PPP4R4: variants seen among roughly 807,000 people sequenced by gnomAD.
PPP4R4 encodes serine/threonine-protein phosphatase 4 regulatory subunit 4.
A neutral mutation model predicts 121.8 loss-of-function variants in PPP4R4; 70 were observed. The observed-to-expected ratio is 0.57, with a 90% CI of 0.47 to 0.70. PPP4R4 has a LOEUF of 0.70. PPP4R4 is among the 30% of genes least tolerant of loss of function. The pLI, the probability that PPP4R4 is intolerant of heterozygous loss-of-function variation, is 0.00. For synonymous variants in PPP4R4, 348 were observed against 355.7 expected, an observed-to-expected ratio of 0.98 and a Z score of 0.24; for missense variants, 875 against 1,033.6, an observed-to-expected ratio of 0.85 and a Z score of 2.10.
rs1268957009 is a variant in PPP4R4 at position 94,208,533 on chromosome 14, T to C, written c.261T>C (p.Thr87=). The change falls in exon 3 of 25, where the codon ACT becomes ACC. Residue 87 remains threonine, a synonymous_variant. Coordinates refer to ENST00000304338, the MANE Select transcript of PPP4R4 (RefSeq NM_058237.2). Reference sequence around the variant, plus strand: ...CATTTTTGATGCGACAGAATCCCACTGAGACGCTTCGGAGAGTGTTGCCAA... The same window carrying C: ...CATTTTTGATGCGACAGAATCCCACCGAGACGCTTCGGAGAGTGTTGCCAA... ...NLPFLMRQNP[T]ETLRRVLPKV... The C allele has an allele frequency of 6.2e-7, 1 of 1,611,446 alleles. No homozygotes were observed.
intron 2 of PPP4R4, among the ~76,000 whole-genome samples, chr14:94,189,822 C>G (rs1889496003): frequency 6.6e-6 from 1 of 152,284 alleles, no homozygotes; most frequent in South Asian, 2.1e-4. Context: ...CTCTTTTTCT[C>G]TCAGTACTCT....
intron 3 of PPP4R4, chr14:94,227,401 A>T (rs1027742871): frequency 3.7e-6 from 6 of 1,601,222 alleles, no homozygotes; most frequent in Non-Finnish European, 3.4e-6. Context: ...CTCTTATTGT[A>T]TTATGTTTCA....
At chr14:94,274,132 T>TG (rs1379855195) in intron 23 of PPP4R4, among the ~76,000 whole-genome samples, 2 of 152,108 alleles carry the variant, frequency 1.3e-5, no homozygotes, top group Non-Finnish European at 2.9e-5. Context: ...ATCTCAAGTC[T>TG]TATCACTATA....
chr14:94,230,875 A>T (rs1464136519), intron 4 of PPP4R4, 141 bp downstream of exon 4: 2 of 955,072 alleles, frequency 2.1e-6, no homozygotes, highest in Non-Finnish European at 3.0e-6. Flanking sequence ...GGAATGACTT[A>T]AAATAGCTAT....
intron 16 of PPP4R4, among the ~76,000 whole-genome samples, chr14:94,252,822 G>GGGT (rs2139603130): frequency 6.6e-6 from 1 of 152,292 alleles, no homozygotes; most frequent in Non-Finnish European, 1.5e-5. Flanking sequence ...TCTGAAAGAT[G>GGGT]CATATGTACC....
At chr14:94,209,212 C>T (rs1890614433) in intron 3 of PPP4R4, among the ~76,000 whole-genome samples, 1 of 151,854 alleles carries the variant, frequency 6.6e-6, no homozygotes, top group South Asian at 2.1e-4. Flanking sequence ...TTTATAAGAA[C>T]TTGAATGAAT....
intron 3 of PPP4R4, among the ~76,000 whole-genome samples, chr14:94,222,311 C>T (rs1891451617): frequency 6.6e-6 from 1 of 151,714 alleles, no homozygotes; most frequent in Admixed American, 6.6e-5. Context: ...AAGTTACAGA[C>T]TCTTTTACTT....
In PPP4R4 at chr14:94,227,317, G is replaced by A; in HGVS notation, c.295-3270G>A. ...GAGGATGCACACTTATTTATCCAGA[G>A]AGTATGGATCTCACATATGTTTGTC... On this transcript the variant is annotated intron_variant, in intron 3 of 24. Transcript: ENST00000304338. 3 of 1,612,604 alleles carry A rather than the reference G, an allele frequency of 1.9e-6. No homozygotes were observed. The highest frequency in any genetic ancestry group is 1.1e-5 in the South Asian group (1 of 91,004).
At chr14:94,248,946 G>T (rs1183310634) in intron 14 of PPP4R4, among the ~76,000 whole-genome samples, 11 of 152,028 alleles carry the variant, frequency 7.2e-5, no homozygotes, top group Non-Finnish European at 1.5e-5. Flanking sequence ...TTAGATAAAT[G>T]TTATTGCAGT....
At chr14:94,264,283 G>C (rs1004020152) in intron 19 of PPP4R4, among the ~76,000 whole-genome samples, 1 of 152,036 alleles carries the variant, frequency 6.6e-6, no homozygotes, top group African/African-American at 2.4e-5. Context: ...TGAGTAGCTG[G>C]GATTACAGGC....
At chr14:94,202,284 T>C (rs941158782) in intron 2 of PPP4R4, among the ~76,000 whole-genome samples, 1 of 152,134 alleles carries the variant, frequency 6.6e-6, no homozygotes, top group Non-Finnish European at 1.5e-5. Context: ...ACACCACCTG[T>C]TCCCCAAAAA....
chr14:94,216,485 CT>C (rs1421260100), intron 3 of PPP4R4, among the ~76,000 whole-genome samples: 17 of 152,346 alleles, frequency 1.1e-4, no homozygotes, highest in African/African-American at 3.6e-4. Context: ...TAACTTGTAG[CT>C]TAGACACAGA....
chr14:94,227,284 A>G, intron 3 of PPP4R4: 5 of 1,605,856 alleles, frequency 3.1e-6, no homozygotes, highest in Non-Finnish European at 4.3e-6. Flanking sequence ...GTGTCTTCCA[A>G]GGTCCATGAG....
chr14:94,220,868 T>A (rs1187271070), intron 3 of PPP4R4, among the ~76,000 whole-genome samples: 2 of 152,160 alleles, frequency 1.3e-5, no homozygotes, highest in East Asian at 3.8e-4. Flanking sequence ...AGGTTAGGTT[T>A]TTGTAGGAAA....
rs1397691755 is a variant in PPP4R4 at position 94,174,472 on chromosome 14, C to G, written c.7C>G (p.Pro3Ala). The change falls in exon 1 of 25, where the codon CCG becomes GCG. Residue 3 changes from proline (P) to alanine (A), a missense_variant. Coordinates refer to ENST00000304338, the MANE Select transcript of PPP4R4 (RefSeq NM_058237.2). Reference sequence around the variant, plus strand: ...CGAGAGTGCCCGGCGGTCCATGCATCCGCCGCCGCCCGCCGCCGCGATGGA... The same window carrying G: ...CGAGAGTGCCCGGCGGTCCATGCATGCGCCGCCGCCCGCCGCCGCGATGGA... Reference protein sequence around the residue: MHPPPPAAAMDFS... With the variant: MHAPPPAAAMDFS... 2 of 1,602,564 alleles carry G rather than the reference C, an allele frequency of 1.2e-6. No individual in the cohort carries two copies. Among genetic ancestry groups the G allele is most frequent in the South Asian group, 1.1e-5 (1 of 90,006 alleles).
At chr14:94,225,784 A>T (rs1891665503) in intron 3 of PPP4R4, among the ~76,000 whole-genome samples, 1 of 152,140 alleles carries the variant, frequency 6.6e-6, no homozygotes, top group South Asian at 2.1e-4. Flanking sequence ...TTATCTTCAG[A>T]ATTAGATTTT....
chr14:94,243,899 T>C (rs1892754439), intron 11 of PPP4R4, among the ~76,000 whole-genome samples: 1 of 152,148 alleles, frequency 6.6e-6, no homozygotes, highest in African/African-American at 2.4e-5. Context: ...AATAACACTT[T>C]GGAAATATTT....
chr14:94,180,559 C>T (rs1888917085), intron 2 of PPP4R4, among the ~76,000 whole-genome samples: 1 of 144,902 alleles, frequency 6.9e-6, no homozygotes, highest in African/African-American at 2.5e-5. Context: ...GCATTTTGAA[C>T]TTTGCTTTCC....
intron 3 of PPP4R4, among the ~76,000 whole-genome samples, chr14:94,216,429 A>G (rs548466936): frequency 1.3e-5 from 2 of 152,346 alleles, no homozygotes; most frequent in African/African-American, 4.8e-5. Flanking sequence ...ATTTTAACAC[A>G]TTTTTAAAGG....
Sources: allele counts gnomAD v4.1 joint callset (sites outside exome capture counted in the v4.1 genomes callset), GRCh38; gene constraint gnomAD v4.1.1; transcripts MANE v1.5; gene names NCBI Gene and HGNC (gene_info 2026-07-23, HGNC 2026-07-21).